Variants in TENM4 observed in about 807,000 individuals in gnomAD.
TENM4 encodes the protein teneurin-4.
In TENM4, 82 loss-of-function variants were observed where a neutral mutation model predicts 243.3. That is an observed-to-expected ratio of 0.34 (90% CI 0.28 to 0.40). The LOEUF (loss-of-function observed/expected upper bound fraction) is 0.40. TENM4 is among the 10% of genes least tolerant of loss of function. The pLI is 1.00. For synonymous variants in TENM4, 1,412 were observed against 1,456.3 expected (o/e 0.97, Z 0.69); for missense variants, 3,138 against 3,673.3 (o/e 0.85, Z 3.77).
chr11:79,106,570 C>A (rs561017505), intron 4 of TENM4, among the ~76,000 whole-genome samples: 1 of 152,222 alleles, frequency 6.6e-6, no homozygotes, highest in Admixed American at 6.5e-5. Context: ...TGACAGACGT[C>A]GGTCCTCTTG....
intron 6 of TENM4, among the ~76,000 whole-genome samples, chr11:79,015,801 C>G (rs1379826837): frequency 6.6e-6 from 1 of 152,048 alleles, no homozygotes; most frequent in Non-Finnish European, 1.5e-5. Context: ...AACAAAACAA[C>G]CAAAAAGGAA....
At chr11:78,970,862 T>C (rs1482955077) in intron 6 of TENM4, among the ~76,000 whole-genome samples, 2 of 152,130 alleles carry the variant, frequency 1.3e-5, no homozygotes, top group East Asian at 3.8e-4. Flanking sequence ...TTTGTATAAA[T>C]GTACAGGAAA....
intron 1 of TENM4, among the ~76,000 whole-genome samples, chr11:79,356,808 A>T (rs904426916): frequency 2.6e-5 from 4 of 152,194 alleles, no homozygotes; most frequent in African/African-American, 9.7e-5. Flanking sequence ...TATCTAATAG[A>T]ATAATGCCAT....
At chr11:79,006,304 C>A (rs1172668251) in intron 6 of TENM4, among the ~76,000 whole-genome samples, 1 of 152,142 alleles carries the variant, frequency 6.6e-6, no homozygotes, top group East Asian at 1.9e-4. Context: ...GGGATACCTT[C>A]AAGTTGGTTG....
At chr11:78,709,217 G>A (rs1859341547) in intron 26 of TENM4, among the ~76,000 whole-genome samples, 1 of 149,794 alleles carries the variant, frequency 6.7e-6, no homozygotes, top group Non-Finnish European at 1.5e-5. Context: ...CACCCGCCTT[G>A]GCCTCCCAAA....
chr11:78,952,167 G>T (rs541349696), intron 6 of TENM4, among the ~76,000 whole-genome samples: 1 of 152,290 alleles, frequency 6.6e-6, no homozygotes, highest in East Asian at 1.9e-4. Context: ...GAGTTGAATT[G>T]GTTCTGAGGG....
intron 6 of TENM4, among the ~76,000 whole-genome samples, chr11:78,934,006 G>A (rs1208302046): frequency 2.0e-5 from 3 of 152,130 alleles, no homozygotes; most frequent in Non-Finnish European, 4.4e-5. Context: ...GGTGCACTGG[G>A]AATTAGAGAT....
chr11:79,272,471 A>G (rs564299324), intron 2 of TENM4, among the ~76,000 whole-genome samples: 4 of 152,174 alleles, frequency 2.6e-5, no homozygotes, highest in Admixed American at 6.5e-5. Flanking sequence ...GGGACATTTT[A>G]TATTCTTTTA....
At chr11:79,157,852 T>G (rs1007434311) in intron 3 of TENM4, among the ~76,000 whole-genome samples, 3 of 152,306 alleles carry the variant, frequency 2.0e-5, no homozygotes, top group Middle Eastern at 3.4e-3. Context: ...ATTTTTACCA[T>G]TGTATCTACA....
At chr11:78,985,670 C>A (rs1857900985) in intron 6 of TENM4, among the ~76,000 whole-genome samples, 1 of 152,158 alleles carries the variant, frequency 6.6e-6, no homozygotes, top group African/African-American at 2.4e-5. Flanking sequence ...AAGAAGTTAA[C>A]CTATCTTATA....
intron 10 of TENM4, 108 bp downstream of exon 10, chr11:78,862,854 G>C (rs1858857832): frequency 1.7e-6 from 2 of 1,156,952 alleles, no homozygotes; most frequent in Non-Finnish European, 2.2e-6. Flanking sequence ...GGGAGCGCCA[G>C]AGCATGGAGC....
At chr11:79,007,674 GA>G (rs912893611) in intron 6 of TENM4, among the ~76,000 whole-genome samples, 11 of 152,266 alleles carry the variant, frequency 7.2e-5, no homozygotes, top group Admixed American at 6.5e-4. Context: ...GGGCAGACAG[GA>G]AAAGAGCACT....
At chr11:79,131,619 AG>A (rs1862004972) in intron 4 of TENM4, among the ~76,000 whole-genome samples, 1 of 152,208 alleles carries the variant, frequency 6.6e-6, no homozygotes, top group Non-Finnish European at 1.5e-5. Flanking sequence ...CAAAAATACA[AG>A]TTAAAAAGCA....
intron 6 of TENM4, among the ~76,000 whole-genome samples, chr11:79,051,076 G>A (rs551728315): frequency 6.6e-6 from 1 of 152,176 alleles, no homozygotes; most frequent in Non-Finnish European, 1.5e-5. Context: ...GAATGAGGCC[G>A]ATATCTACCT....
At position 78,998,741 on chromosome 11, in the gene TENM4, C is replaced by T. The variant is rs140102051; in HGVS notation, c.493+65997G>A. Reference sequence around the variant, plus strand: ...TGATGCCCATGGCTGGTGGCATTGTCGTAAAAGTAGTGACTCTTGGCAGCA... The same window carrying T: ...TGATGCCCATGGCTGGTGGCATTGTTGTAAAAGTAGTGACTCTTGGCAGCA... On this transcript the variant is annotated intron_variant, in intron 6 of 33. Transcript: ENST00000278550. Among the ~76,000 whole-genome samples the T allele has an allele frequency of 4.5e-4, 68 of 152,154 alleles. No homozygotes were observed. In the Middle Eastern group the frequency reaches 0.014, roughly 30 times the overall value.
At chr11:78,823,811 GA>G (rs1857790679) in intron 12 of TENM4, among the ~76,000 whole-genome samples, 1 of 152,176 alleles carries the variant, frequency 6.6e-6, no homozygotes, top group Admixed American at 6.5e-5. Context: ...CCTTGCAACG[GA>G]AAAAACTAAT....
chr11:79,402,466 C>T (rs1429631523), intron 1 of TENM4, among the ~76,000 whole-genome samples: 3 of 152,184 alleles, frequency 2.0e-5, no homozygotes, highest in African/African-American at 7.2e-5. Context: ...AAAAAATACA[C>T]TTGCTAAGAG....
At chr11:79,332,950 T>C (rs557843890) in intron 1 of TENM4, among the ~76,000 whole-genome samples, 2 of 152,254 alleles carry the variant, frequency 1.3e-5, no homozygotes, top group East Asian at 1.9e-4. Flanking sequence ...GTATACCCAA[T>C]TCCCCTTCTA....
At chr11:79,298,884 T>G (rs549925864) in intron 1 of TENM4, among the ~76,000 whole-genome samples, 1 of 152,358 alleles carries the variant, frequency 6.6e-6, no homozygotes, top group South Asian at 2.1e-4. Context: ...TTAACTATAT[T>G]TTTAAATAAT....
Sources: allele counts gnomAD v4.1 joint callset (sites outside exome capture counted in the v4.1 genomes callset), GRCh38; gene constraint gnomAD v4.1.1; transcripts MANE v1.5; gene names NCBI Gene and HGNC (gene_info 2026-07-23, HGNC 2026-07-21).